MUC7: variants seen among roughly 807,000 people sequenced by gnomAD.
The protein encoded by MUC7 is mucin-7.
A neutral mutation model predicts 2.5 loss-of-function variants in MUC7; 2 were observed. That is an observed-to-expected ratio of 0.81 (90% CI 0.33 to 2.55). The LOEUF (loss-of-function observed/expected upper bound fraction) is 2.55, where lower values mean the gene tolerates loss of function less well. Ranked by LOEUF, MUC7 falls within the 30% of genes most tolerant of loss-of-function variation. The pLI is 0.11. For missense variants in MUC7, 408 were observed against 455.6 expected (o/e 0.90, Z 0.95); for synonymous variants, 133 against 173.4 (o/e 0.77, Z 1.83).
rs34918942 is a variant in MUC7 at position 70,480,983 on chromosome 4, A to ACC, written c.245_246dup (p.Lys83ProfsTer24). The ACC allele has an allele frequency of 6.2e-7, 1 of 1,613,474 alleles. No individual in the cohort carries two copies. On this transcript the variant is annotated frameshift_variant, in exon 3 of 3. Coordinates refer to ENST00000304887, the MANE Select transcript of MUC7 (RefSeq NM_152291.3). LOFTEE classifies it low-confidence loss of function (END_TRUNC). ...CCTAAGCTTCCACCTTCACCTAATA[A>ACC]CCCCCCCAAATTCCCAAATCCTCAC...
upstream of MUC7, among the ~76,000 whole-genome samples, chr4:70,468,390 G>T (rs528468924): frequency 1.3e-5 from 2 of 152,276 alleles, no homozygotes; most frequent in East Asian, 3.9e-4. Flanking sequence ...GTTCAACATA[G>T]TATGGGAAGT....
chr4:70,451,702 G>A (rs764998728), intron 1 of MUC7, among the ~76,000 whole-genome samples: 2 of 152,030 alleles, frequency 1.3e-5, no homozygotes, highest in South Asian at 2.1e-4. Flanking sequence ...TTTTGAGAAC[G>A]ATCCATGTGC....
chr4:70,469,710 A>C (rs1464055646), upstream of MUC7, among the ~76,000 whole-genome samples: 1 of 152,238 alleles, frequency 6.6e-6, no homozygotes, highest in Non-Finnish European at 1.5e-5. Flanking sequence ...ACAATGAGAT[A>C]CCATCTCAAG....
At chr4:70,439,388 G>A (rs1413260669) in intron 1 of MUC7, among the ~76,000 whole-genome samples, 1 of 152,114 alleles carries the variant, frequency 6.6e-6, no homozygotes, top group African/African-American at 2.4e-5. Flanking sequence ...GGATCCCACT[G>A]GGAAGTTTAA....
rs116477637 is a variant in MUC7 at position 70,439,422 on chromosome 4, T to C, written c.-93+8735T>C. ...AAGCAGGGGATTTGGTGCCCGACTT[T>C]TGTTTTTAAAAGCACTCTGCCTCCT... is the stretch of plus-strand genomic sequence containing the variant. On this transcript the variant is annotated intron_variant, in intron 1 of 3. Coordinates refer to the MUC7 transcript ENST00000413702. 3.8e-3 allele frequency among the ~76,000 whole-genome samples: 576 copies of C among 152,290 alleles called. 5 individuals are homozygous for C. Among genetic ancestry groups the C allele is most frequent in the African/African-American group, 0.013 (541 of 41,568 alleles).
intron 1 of MUC7, among the ~76,000 whole-genome samples, chr4:70,437,889 A>G (rs1289508769): frequency 1.3e-5 from 2 of 152,082 alleles, no homozygotes; most frequent in African/African-American, 4.8e-5. Context: ...AAAAAAATCT[A>G]TTCTTTACCC....
chr4:70,467,558 TAA>T (rs1323822298), upstream of MUC7, among the ~76,000 whole-genome samples: 1 of 151,848 alleles, frequency 6.6e-6, no homozygotes, highest in Non-Finnish European at 1.5e-5. Context: ...ATAGATGCAA[TAA>T]AAAATGATAA....
At chr4:70,432,109 G>T (rs574140802) in intron 1 of MUC7, among the ~76,000 whole-genome samples, 3 of 152,146 alleles carry the variant, frequency 2.0e-5, no homozygotes, top group East Asian at 3.8e-4. Flanking sequence ...AGTATTCCAT[G>T]GTGTATATGT....
chr4:70,456,547 G>A (rs1734420205), intron 1 of MUC7, among the ~76,000 whole-genome samples: 1 of 151,900 alleles, frequency 6.6e-6, no homozygotes, highest in Non-Finnish European at 1.5e-5. Context: ...GATGGCAGAA[G>A]AGAGAGAGAG....
intron 1 of MUC7, among the ~76,000 whole-genome samples, chr4:70,446,714 C>A (rs1460528514): frequency 6.6e-6 from 1 of 152,134 alleles, no homozygotes; most frequent in Admixed American, 6.6e-5. Flanking sequence ...ACACCATTTA[C>A]CATGCTTCTC....
At chr4:70,433,785 G>C (rs1202313712) in intron 1 of MUC7, among the ~76,000 whole-genome samples, 1 of 152,128 alleles carries the variant, frequency 6.6e-6, no homozygotes, top group Non-Finnish European at 1.5e-5. Context: ...GTGAGAGAGG[G>C]TATCCCCATC....
chr4:70,476,528 CACAGAA>C (rs550660241), intron 2 of MUC7, among the ~76,000 whole-genome samples: 31 of 152,316 alleles, frequency 2.0e-4, no homozygotes, highest in African/African-American at 7.0e-4. Context: ...GAGAAGGTAG[CACAGAA>C]ATACCTTGAC....
At chr4:70,431,372 T>C (rs897800667) in intron 1 of MUC7, among the ~76,000 whole-genome samples, 1 of 152,108 alleles carries the variant, frequency 6.6e-6, no homozygotes, top group African/African-American at 2.4e-5. Context: ...GTGTTGGGAA[T>C]ACAGATACAA....
At chr4:70,464,215 C>A (rs1337989552) in intron 1 of MUC7, among the ~76,000 whole-genome samples, 1 of 152,170 alleles carries the variant, frequency 6.6e-6, no homozygotes, top group Non-Finnish European at 1.5e-5. Flanking sequence ...CGCATTCTGG[C>A]CCAGATACTA....
intron 1 of MUC7, among the ~76,000 whole-genome samples, chr4:70,464,171 G>A (rs1167115801): frequency 6.6e-6 from 1 of 152,166 alleles, no homozygotes; most frequent in Non-Finnish European, 1.5e-5. Flanking sequence ...CCCTAGCCAA[G>A]GGAAGCCATG....
intron 1 of MUC7, among the ~76,000 whole-genome samples, chr4:70,454,817 G>A (rs1359006013): frequency 6.6e-6 from 1 of 152,088 alleles, no homozygotes; most frequent in Non-Finnish European, 1.5e-5. Context: ...ACAACTAATG[G>A]CATTTCATTA....
intron 1 of MUC7, among the ~76,000 whole-genome samples, chr4:70,433,315 T>C (rs1040118154): frequency 6.6e-6 from 1 of 152,136 alleles, no homozygotes; most frequent in African/African-American, 2.4e-5. Flanking sequence ...ATAAATTACC[T>C]TGGGCAGTAT....
At chr4:70,459,738 T>G (rs902840020) in intron 1 of MUC7, among the ~76,000 whole-genome samples, 1 of 152,170 alleles carries the variant, frequency 6.6e-6, no homozygotes, top group African/African-American at 2.4e-5. Flanking sequence ...CTTTTTACAA[T>G]GTACATAGTA....
intron 1 of MUC7, among the ~76,000 whole-genome samples, chr4:70,452,156 G>A (rs1417293975): frequency 6.6e-6 from 1 of 152,162 alleles, no homozygotes; most frequent in Non-Finnish European, 1.5e-5. Context: ...TATGGATGCA[G>A]TGTGTTTCTT....
Sources: allele counts gnomAD v4.1 joint callset (sites outside exome capture counted in the v4.1 genomes callset), GRCh38; gene constraint gnomAD v4.1.1; transcripts MANE v1.5; gene names NCBI Gene and HGNC (gene_info 2026-07-23, HGNC 2026-07-21).